The following RGS17 variants were observed in gnomAD, a reference collection of about 807,000 sequenced individuals.
The protein encoded by RGS17 is regulator of G-protein signaling 17.
Under a neutral mutation model 25.5 loss-of-function variants are expected in RGS17, and 12 were observed. That is an observed-to-expected ratio of 0.47 (90% CI 0.30 to 0.76). RGS17 has a LOEUF of 0.76. Ranked by LOEUF, RGS17 falls within the 30% of genes least tolerant of loss-of-function variation. The probability of loss-of-function intolerance (pLI) is 0.07; values close to 1 mark genes in which losing one functional copy is unlikely to be tolerated. For missense variants in RGS17, 196 were observed against 242.2 expected, an observed-to-expected ratio of 0.81 and a Z score of 1.27; for synonymous variants, 71 against 76.9, an observed-to-expected ratio of 0.92 and a Z score of 0.40.
Position 153,069,748 on chromosome 6 carries a change from G to GTGTGTGTGTT in RGS17, c.-25-25706_-25-25705insAACACACACA, listed in dbSNP as rs1554239853. 3.9e-4 allele frequency among the ~76,000 whole-genome samples: 59 copies of GTGTGTGTGTT among 151,200 alleles called. 1 individual carries two copies. Among genetic ancestry groups the GTGTGTGTGTT allele is most frequent in the South Asian group, 6.3e-4 (3 of 4,778 alleles). On this transcript the variant is annotated intron_variant, in intron 1 of 4. Coordinates refer to ENST00000206262, the MANE Select transcript of RGS17 (RefSeq NM_012419.5). ...ATACATATATACACCTCGTGTGTGT[G>GTGTGTGTGTT]TGTGTGTGTGTGTGTGTGTGTGTAT...
intron 3 of RGS17, 40 bp downstream of exon 3, chr6:153,026,414 T>A (rs1343264709): frequency 1.4e-6 from 2 of 1,461,568 alleles, no homozygotes; most frequent in African/African-American, 2.8e-5. Context: ...AAATGGCATA[T>A]AAATGCAAGA....
intron 1 of RGS17, among the ~76,000 whole-genome samples, chr6:153,115,385 G>C (rs1280894950): frequency 6.6e-6 from 1 of 152,126 alleles, no homozygotes; most frequent in Non-Finnish European, 1.5e-5. Flanking sequence ...GGATGTGAAG[G>C]ACCTCTTCAA....
intron 1 of RGS17, among the ~76,000 whole-genome samples, chr6:153,101,856 TG>T (rs746369132): frequency 6.6e-6 from 1 of 152,166 alleles, no homozygotes; most frequent in Non-Finnish European, 1.5e-5. Flanking sequence ...CCTTCTGCCA[TG>T]ATTATAAGTT....
intron 3 of RGS17, 111 bp downstream of exon 3, chr6:153,026,343 C>G (rs1562314554): frequency 1.6e-6 from 1 of 618,716 alleles, no homozygotes; most frequent in Non-Finnish European, 2.6e-6. Flanking sequence ...CATTCACTTC[C>G]CAAAATCATT....
At chr6:153,032,379 T>C (rs1380243990) in intron 2 of RGS17, among the ~76,000 whole-genome samples, 2 of 152,216 alleles carry the variant, frequency 1.3e-5, no homozygotes, top group African/African-American at 2.4e-5. Context: ...TTTGTAATCA[T>C]GTGCCGTGTG....
In RGS17 at chr6:153,041,294, A is replaced by G. The variant is rs553516309; in HGVS notation, c.119+2606T>C. Reference sequence around the variant, plus strand: ...TTTATGGCCTAGACTCAGGCATCCAATGTTCATTGACAAGAAATGCAGTTC... The same window carrying G: ...TTTATGGCCTAGACTCAGGCATCCAGTGTTCATTGACAAGAAATGCAGTTC... On this transcript the variant is annotated intron_variant, in intron 2 of 4. Coordinates refer to ENST00000206262, the MANE Select transcript of RGS17 (RefSeq NM_012419.5). Among the ~76,000 whole-genome samples, 10 of 152,342 alleles carry G rather than the reference A, an allele frequency of 6.6e-5. No individual in the cohort carries two copies. In the East Asian group the frequency reaches 1.7e-3, roughly 26 times the overall value.
chr6:153,092,016 G>A (rs922360504), intron 1 of RGS17, among the ~76,000 whole-genome samples: 8 of 151,912 alleles, frequency 5.3e-5, no homozygotes, highest in Non-Finnish European at 7.4e-5. Context: ...GTAGAAATGC[G>A]ATGTCCAGAT....
intron 2 of RGS17, 61 bp downstream of exon 2, chr6:153,043,839 G>T (rs1291885655): frequency 2.2e-5 from 21 of 957,178 alleles, no homozygotes; most frequent in Middle Eastern, 2.9e-4. Context: ...GATTTGGCAT[G>T]CATGTTCACA....
intron 1 of RGS17, among the ~76,000 whole-genome samples, chr6:153,044,847 C>A (rs946626018): frequency 1.3e-5 from 2 of 152,114 alleles, no homozygotes; most frequent in African/African-American, 4.8e-5. Flanking sequence ...ATTTATAGGA[C>A]CAATCCTGAT....
intron 1 of RGS17, among the ~76,000 whole-genome samples, chr6:153,093,836 C>T (rs1777167318): frequency 6.6e-6 from 1 of 152,084 alleles, no homozygotes; most frequent in Admixed American, 6.5e-5. Flanking sequence ...GAACTTCAGC[C>T]CTACCTATAC....
intron 1 of RGS17, among the ~76,000 whole-genome samples, chr6:153,068,672 A>G (rs1446653071): frequency 2.6e-5 from 4 of 152,208 alleles, no homozygotes; most frequent in Admixed American, 1.3e-4. Flanking sequence ...GACAAGTCAC[A>G]TAATGGGGGA....
chr6:153,110,927 G>A (rs143027712), intron 1 of RGS17, among the ~76,000 whole-genome samples: 2,008 of 152,250 alleles, frequency 0.013, 55 homozygotes, highest in African/African-American at 0.044. Context: ...CTTTTCCCAC[G>A]GTCTTCACAA....
intron 2 of RGS17, among the ~76,000 whole-genome samples, chr6:153,032,137 A>C (rs1306663884): frequency 6.6e-6 from 1 of 152,224 alleles, no homozygotes; most frequent in African/African-American, 2.4e-5. Flanking sequence ...AAAAGACACC[A>C]GAAGATGGGC....
chr6:153,126,028 C>T (rs977952337), intron 1 of RGS17, among the ~76,000 whole-genome samples: 2 of 152,148 alleles, frequency 1.3e-5, no homozygotes, highest in South Asian at 2.1e-4. Context: ...ATACAGAGCT[C>T]GTTAAGGTAA....
At chr6:153,029,587 TTTTC>T (rs1474216331) in intron 2 of RGS17, among the ~76,000 whole-genome samples, 1 of 151,940 alleles carries the variant, frequency 6.6e-6, no homozygotes, top group African/African-American at 2.4e-5. Flanking sequence ...TTTTTTTTCT[TTTTC>T]TTTTTCTTTT....
chr6:153,053,961 T>A (rs866337622), intron 1 of RGS17, among the ~76,000 whole-genome samples: 8 of 28,004 alleles, frequency 2.9e-4, no homozygotes, highest in Admixed American at 9.9e-4. Flanking sequence ...TACATATATA[T>A]TATATACATA....
intron 1 of RGS17, among the ~76,000 whole-genome samples, chr6:153,125,903 A>C (rs1243079157): frequency 2.0e-5 from 3 of 152,222 alleles, no homozygotes; most frequent in Non-Finnish European, 4.4e-5. Context: ...AGGACTTTAT[A>C]GATTTTCCAA....
chr6:153,012,662 A>G (rs977093381), intron 4 of RGS17, among the ~76,000 whole-genome samples: 4 of 152,196 alleles, frequency 2.6e-5, no homozygotes, highest in African/African-American at 7.2e-5. Flanking sequence ...TACAAGTGGT[A>G]AACAACCACT....
chr6:153,083,273 T>C (rs1238807112), intron 1 of RGS17, among the ~76,000 whole-genome samples: 1 of 152,194 alleles, frequency 6.6e-6, no homozygotes, highest in Non-Finnish European at 1.5e-5. Flanking sequence ...TTGTGTCTTG[T>C]TTACAAAGAA....
Sources: gnomAD v4.1 joint callset for allele counts (sites outside exome capture counted in the v4.1 genomes callset) on GRCh38, gnomAD v4.1.1 for gene constraint, MANE v1.5 for transcripts, NCBI Gene and HGNC (gene_info 2026-07-23, HGNC 2026-07-21) for gene names.